CTNND2: variants seen among roughly 807,000 people sequenced by gnomAD.
CTNND2 encodes catenin delta 2, also known as catenin delta-2.
In CTNND2, 22 loss-of-function variants were observed where a neutral mutation model predicts 144.4. The observed-to-expected ratio is 0.15, with a 90% CI of 0.11 to 0.22. CTNND2 has a LOEUF of 0.22. Among genes scored for constraint, CTNND2 ranks in the 10% least tolerant of loss-of-function variants. The pLI, the probability that CTNND2 is intolerant of heterozygous loss-of-function variation, is 1.00. For missense variants in CTNND2, 1,353 were observed against 1,618.8 expected (o/e 0.84, Z 2.82); for synonymous variants, 751 against 695.6 (o/e 1.08, Z -1.25).
intron 8 of CTNND2, among the ~76,000 whole-genome samples, chr5:11,356,191 C>A (rs1273436461): frequency 1.3e-5 from 2 of 149,298 alleles, no homozygotes; most frequent in Non-Finnish European, 3.0e-5. Context: ...AAATAGAAAA[C>A]CTATACTAAA....
At chr5:11,341,903 G>T (rs1754310680) in intron 9 of CTNND2, among the ~76,000 whole-genome samples, 2 of 152,134 alleles carry the variant, frequency 1.3e-5, no homozygotes, top group South Asian at 4.1e-4. Flanking sequence ...CCACCTACTT[G>T]GGAGGCTGAG....
At chr5:11,447,308 C>T (rs1764905391) in intron 3 of CTNND2, among the ~76,000 whole-genome samples, 1 of 150,492 alleles carries the variant, frequency 6.6e-6, no homozygotes, top group African/African-American at 2.5e-5. Flanking sequence ...TGTCACTGCA[C>T]TTCAGCCTGG....
chr5:11,864,035 G>C (rs2127032185), intron 1 of CTNND2, among the ~76,000 whole-genome samples: 1 of 152,214 alleles, frequency 6.6e-6, no homozygotes, highest in Middle Eastern at 3.4e-3. Context: ...ATCATGAATT[G>C]ATCAGGATCA....
chr5:11,871,834 G>A (rs1298934120), intron 1 of CTNND2, among the ~76,000 whole-genome samples: 1 of 152,060 alleles, frequency 6.6e-6, no homozygotes, highest in East Asian at 1.9e-4. Context: ...TTCTAATATT[G>A]GGAAGCAGAA....
At chr5:11,027,465 T>TA (rs1031244789) in intron 16 of CTNND2, among the ~76,000 whole-genome samples, 64 of 152,152 alleles carry the variant, frequency 4.2e-4, no homozygotes, top group Admixed American at 4.2e-3. Context: ...TAGTCTCTAG[T>TA]AACAATGACT....
intron 8 of CTNND2, among the ~76,000 whole-genome samples, chr5:11,359,961 C>A (rs1302790306): frequency 6.6e-6 from 1 of 152,108 alleles, no homozygotes; most frequent in Non-Finnish European, 1.5e-5. Context: ...GACTTGGGTA[C>A]CCTGCTCCTT....
intron 1 of CTNND2, among the ~76,000 whole-genome samples, chr5:11,829,254 C>G (rs540576231): frequency 2.0e-5 from 3 of 152,138 alleles, no homozygotes; most frequent in Non-Finnish European, 2.9e-5. Context: ...AAGCTTCTGG[C>G]AGAAATTTAT....
chr5:11,484,294 T>C (rs1479423432), intron 3 of CTNND2, among the ~76,000 whole-genome samples: 4 of 152,182 alleles, frequency 2.6e-5, no homozygotes, highest in African/African-American at 4.8e-5. Context: ...TCCATCATGT[T>C]ACGCATAGTT....
intron 3 of CTNND2, among the ~76,000 whole-genome samples, chr5:11,500,056 C>A (rs563576380): frequency 6.6e-6 from 1 of 151,986 alleles, no homozygotes; most frequent in Non-Finnish European, 1.5e-5. Flanking sequence ...ATGAAGAGTA[C>A]GATCAATGAA....
chr5:11,204,675 T>C (rs1007675368), intron 10 of CTNND2, among the ~76,000 whole-genome samples: 2 of 152,214 alleles, frequency 1.3e-5, no homozygotes, highest in Non-Finnish European at 2.9e-5. Flanking sequence ...GAGTAATTTA[T>C]AGCATATTCA....
chr5:11,031,417 A>G lies in CTNND2; in HGVS notation c.2789-8438T>C, dbSNP rs778739292. On this transcript the variant is annotated intron_variant, in intron 16 of 21. Coordinates refer to ENST00000304623, the MANE Select transcript of CTNND2 (RefSeq NM_001332.4). ...GCTGAGGGGTGGGGGATGGGTAGCTACTGTGAGCTAAGCTGAGATTGACCA... is the reference window on the plus strand; with the variant it reads ...GCTGAGGGGTGGGGGATGGGTAGCTGCTGTGAGCTAAGCTGAGATTGACCA... 1.9e-3 allele frequency among the ~76,000 whole-genome samples: 288 copies of G among 152,280 alleles called. 6 individuals are homozygous for G. Among genetic ancestry groups the G allele is most frequent in the Non-Finnish European group, 3.8e-4 (26 of 68,020 alleles).
At chr5:11,693,114 G>A (rs1318777823) in intron 2 of CTNND2, among the ~76,000 whole-genome samples, 2 of 152,050 alleles carry the variant, frequency 1.3e-5, no homozygotes, top group Non-Finnish European at 2.9e-5. Flanking sequence ...TCAAACTTTG[G>A]AGTAATTTAA....
At chr5:11,678,209 T>C (rs1306757954) in intron 2 of CTNND2, among the ~76,000 whole-genome samples, 1 of 152,196 alleles carries the variant, frequency 6.6e-6, no homozygotes, top group Non-Finnish European at 1.5e-5. Flanking sequence ...ATGTATCAGA[T>C]CAATCCACTT....
At chr5:11,587,273 A>G (rs989173030) in intron 2 of CTNND2, among the ~76,000 whole-genome samples, 2 of 152,152 alleles carry the variant, frequency 1.3e-5, no homozygotes, top group Non-Finnish European at 2.9e-5. Context: ...TTCTAAATCC[A>G]TAGCATTGAG....
intron 7 of CTNND2, among the ~76,000 whole-genome samples, chr5:11,365,528 T>A (rs546707420): frequency 6.6e-6 from 1 of 152,342 alleles, no homozygotes; most frequent in East Asian, 1.9e-4. Context: ...AAGTTAGGAA[T>A]GATTGCCACT....
chr5:11,155,536 T>C (rs763618378), intron 12 of CTNND2, among the ~76,000 whole-genome samples: 11 of 152,270 alleles, frequency 7.2e-5, no homozygotes, highest in Non-Finnish European at 1.5e-4. Context: ...GGAGCATTAG[T>C]GTGCCTGGGA....
intron 3 of CTNND2, among the ~76,000 whole-genome samples, chr5:11,430,180 C>T (rs574744935): frequency 1.5e-5 from 2 of 135,998 alleles, no homozygotes; most frequent in East Asian, 4.4e-4. Flanking sequence ...AAACCCGGAG[C>T]GGAAGTTTCA....
chr5:11,854,497 G>A (rs1181343978), intron 1 of CTNND2, among the ~76,000 whole-genome samples: 3 of 152,176 alleles, frequency 2.0e-5, no homozygotes, highest in South Asian at 2.1e-4. Flanking sequence ...TTAATAGTAT[G>A]TTTGAACTAC....
At chr5:11,860,055 A>C (rs1044677619) in intron 1 of CTNND2, among the ~76,000 whole-genome samples, 3 of 152,358 alleles carry the variant, frequency 2.0e-5, no homozygotes, top group South Asian at 4.1e-4. Flanking sequence ...TTCATTCATC[A>C]TAACAACTGT....
Sources: allele counts gnomAD v4.1 joint callset (sites outside exome capture counted in the v4.1 genomes callset), GRCh38; gene constraint gnomAD v4.1.1; transcripts MANE v1.5; gene names NCBI Gene and HGNC (gene_info 2026-07-23, HGNC 2026-07-21).